The following LAMA2 variants were observed in gnomAD, a reference collection of about 807,000 sequenced individuals.
LAMA2 encodes laminin subunit alpha 2, also known as laminin subunit alpha-2.
A neutral mutation model predicts 364.8 loss-of-function variants in LAMA2; 269 were observed. That is an observed-to-expected ratio of 0.74 (90% CI 0.67 to 0.82). LAMA2 has a LOEUF of 0.82. Among genes scored for constraint, LAMA2 ranks in the 40% least tolerant of loss-of-function variants. The pLI is 0.00. For missense variants in LAMA2, 3,807 were observed against 3,873.2 expected (o/e 0.98, Z 0.45); for synonymous variants, 1,379 against 1,370.6 (o/e 1.01, Z -0.14).
intron 1 of LAMA2, among the ~76,000 whole-genome samples, chr6:129,010,861 T>C (rs1016446320): frequency 2.6e-5 from 4 of 152,248 alleles, no homozygotes; most frequent in African/African-American, 9.6e-5. Flanking sequence ...ATGATTTTTT[T>C]ATTTAATATG....
chr6:128,947,865 G>A (rs1426312197), intron 1 of LAMA2, among the ~76,000 whole-genome samples: 6 of 152,082 alleles, frequency 3.9e-5, no homozygotes, highest in Non-Finnish European at 8.8e-5. Flanking sequence ...ATTGCAAAGA[G>A]TGAGAAGCTA....
chr6:129,487,100 C>T (rs1448186094), intron 56 of LAMA2, among the ~76,000 whole-genome samples: 4 of 152,142 alleles, frequency 2.6e-5, no homozygotes, highest in Non-Finnish European at 5.9e-5. Flanking sequence ...CTATTAAGTG[C>T]ATATCTTGTC....
intron 12 of LAMA2, among the ~76,000 whole-genome samples, chr6:129,240,034 G>A (rs1785290291): frequency 6.6e-6 from 1 of 152,194 alleles, no homozygotes; most frequent in Admixed American, 6.5e-5. Context: ...TCAGTCTGTG[G>A]CCGAAGGCCC....
chr6:129,336,483 G>C (rs372563712), intron 29 of LAMA2, among the ~76,000 whole-genome samples: 2 of 152,276 alleles, frequency 1.3e-5, no homozygotes, highest in African/African-American at 2.4e-5. Context: ...CCAAAACTGT[G>C]TATGTACCAG....
intron 1 of LAMA2, among the ~76,000 whole-genome samples, chr6:129,045,641 C>T (rs1285867799): frequency 6.6e-6 from 1 of 151,922 alleles, no homozygotes; most frequent in Non-Finnish European, 1.5e-5. Context: ...CTCTGTAATC[C>T]CTTTGTAGCT....
chr6:129,505,136 CTTATA>C, intron 60 of LAMA2, 59 bp from the exon 61 acceptor site: 1 of 1,417,188 alleles, frequency 7.1e-7, no homozygotes, highest in South Asian at 1.2e-5. Flanking sequence ...GTCCTTATGT[CTTATA>C]CTCTGCATAT....
At chr6:129,123,739 G>A (rs977082063) in intron 4 of LAMA2, among the ~76,000 whole-genome samples, 4 of 152,134 alleles carry the variant, frequency 2.6e-5, no homozygotes, top group African/African-American at 9.7e-5. Context: ...GTTGGAGGGG[G>A]AAACAGGAAA....
intron 14 of LAMA2, among the ~76,000 whole-genome samples, chr6:129,255,192 G>C (rs902506449): frequency 6.6e-6 from 1 of 151,742 alleles, no homozygotes; most frequent in Non-Finnish European, 1.5e-5. Flanking sequence ...CAGATCACGA[G>C]GTCAGTTGTT....
At chr6:129,136,130 G>A (rs1440800588) in intron 4 of LAMA2, among the ~76,000 whole-genome samples, 4 of 151,428 alleles carry the variant, frequency 2.6e-5, no homozygotes, top group South Asian at 2.1e-4. Flanking sequence ...CCTTTTGTAC[G>A]TCATGCCCAA....
chr6:129,334,356 A>G (rs1316200714), intron 29 of LAMA2, among the ~76,000 whole-genome samples: 1 of 152,188 alleles, frequency 6.6e-6, no homozygotes, highest in African/African-American at 2.4e-5. Flanking sequence ...CATTTATATA[A>G]TGAAAACAAT....
chr6:129,094,801 T>A (rs1246092206), intron 3 of LAMA2, among the ~76,000 whole-genome samples: 1 of 152,230 alleles, frequency 6.6e-6, no homozygotes, highest in Non-Finnish European at 1.5e-5. Flanking sequence ...ATTATCTCAT[T>A]ATCTCTTCCC....
intron 3 of LAMA2, among the ~76,000 whole-genome samples, chr6:129,062,706 G>A (rs921213370): frequency 1.2e-4 from 19 of 152,070 alleles, no homozygotes; most frequent in Non-Finnish European, 4.4e-5. Context: ...TAATGAATAG[G>A]TAAATATCAC....
At chr6:129,076,533 A>C (rs1773667848) in intron 3 of LAMA2, among the ~76,000 whole-genome samples, 1 of 145,476 alleles carries the variant, frequency 6.9e-6, no homozygotes. Context: ...AAATTAGAGA[A>C]TCTTTAATAA....
At chr6:128,981,313 C>T (rs1782849948) in intron 1 of LAMA2, among the ~76,000 whole-genome samples, 2 of 152,056 alleles carry the variant, frequency 1.3e-5, no homozygotes. Flanking sequence ...AGTCTTTGGT[C>T]GGCTTCTGTC....
intron 1 of LAMA2, among the ~76,000 whole-genome samples, chr6:129,049,411 A>G (rs754926702): frequency 2.0e-5 from 3 of 152,192 alleles, no homozygotes; most frequent in Non-Finnish European, 4.4e-5. Flanking sequence ...CAAAGTAAAC[A>G]TTATCTATCT....
chr6:128,950,637 A>G (rs905216206), intron 1 of LAMA2, among the ~76,000 whole-genome samples: 1 of 152,014 alleles, frequency 6.6e-6, no homozygotes, highest in African/African-American at 2.4e-5. Context: ...TAGCTGTTTG[A>G]CCTCAGTCAA....
At chr6:129,260,856 A>G in intron 15 of LAMA2, 34 bp downstream of exon 15, 3 of 1,273,100 alleles carry the variant, frequency 2.4e-6, no homozygotes, top group Non-Finnish European at 3.5e-6. Flanking sequence ...TAGTGCTTTC[A>G]AAGTTCCCTC....
chr6:129,409,271 G>C (rs1013985592), intron 40 of LAMA2, among the ~76,000 whole-genome samples: 4 of 152,124 alleles, frequency 2.6e-5, no homozygotes, highest in Admixed American at 6.5e-5. Flanking sequence ...TGTGAACCAG[G>C]CCCTAGTCTT....
At chr6:129,295,250 T>C (rs762709562) in intron 20 of LAMA2, among the ~76,000 whole-genome samples, 33 of 150,114 alleles carry the variant, frequency 2.2e-4, no homozygotes, top group Non-Finnish European at 2.1e-4. Context: ...AGTAAATGAG[T>C]ACATATTTGT....
Sources: gnomAD v4.1 joint callset for allele counts (sites outside exome capture counted in the v4.1 genomes callset) on GRCh38, gnomAD v4.1.1 for gene constraint, MANE v1.5 for transcripts, NCBI Gene and HGNC (gene_info 2026-07-23, HGNC 2026-07-21) for gene names.